TLCD5: variants seen among roughly 807,000 people sequenced by gnomAD.
TLCD5 encodes the protein TLC domain-containing protein 5.
A neutral mutation model predicts 20.5 loss-of-function variants in TLCD5; 15 were observed. The observed-to-expected ratio is 0.73, with a 90% CI of 0.49 to 1.13. TLCD5 has a LOEUF of 1.13. Among genes scored for constraint, TLCD5 ranks in the 50% most tolerant of loss-of-function variants. The pLI, the probability that TLCD5 is intolerant of heterozygous loss-of-function variation, is 0.00. For missense variants in TLCD5, 289 were observed against 305.6 expected (o/e 0.95, Z 0.41); for synonymous variants, 107 against 114.7 (o/e 0.93, Z 0.43).
intron 2 of TLCD5, among the ~76,000 whole-genome samples, chr11:120,328,946 T>TA (rs376616967): frequency 3.3e-5 from 1 of 30,178 alleles, no homozygotes; most frequent in Non-Finnish European, 6.4e-5. Context: ...GTGTGTGTGT[T>TA]TGTGTATGTT....
At chr11:120,329,159 T>C (rs1942093538) in intron 2 of TLCD5, among the ~76,000 whole-genome samples, 1 of 151,230 alleles carries the variant, frequency 6.6e-6, no homozygotes, top group Admixed American at 6.6e-5. Flanking sequence ...AACAGTCATA[T>C]TGGATTACTC....
Position 120,333,013 on chromosome 11 carries a change from C to T in TLCD5, c.*2498C>T, listed in dbSNP as rs977632561. On this transcript the variant is annotated 3_prime_UTR_variant, in exon 3 of 3. Transcript: ENST00000375095. The surrounding 1 kb of genome is among the most constrained non-coding windows in gnomAD (Gnocchi z 4.5). The stretch of plus-strand genomic sequence containing the variant: ...TTTGCTGGGCATTGAGATAATCTGA[C>T]AGCATCTCCACTTCCTGTTTTTTTT... 5 of 152,010 alleles carry T rather than the reference C, an allele frequency of 3.3e-5. No homozygotes were observed. Among genetic ancestry groups the T allele is most frequent in the African/African-American group, 9.7e-5 (4 of 41,388 alleles). 9.4% of individuals were successfully genotyped at this position (152,010 alleles called of 1,614,324 possible). A position where few individuals can be genotyped will look rare whatever the true frequency, so the allele number is the denominator to read the frequency against.
chr11:120,328,713 T>A (rs1481905761), intron 2 of TLCD5, among the ~76,000 whole-genome samples: 8 of 75,574 alleles, frequency 1.1e-4, no homozygotes, highest in African/African-American at 1.9e-4. Context: ...GTGTGTATGT[T>A]TATGTATGCA....
rs992703189 is a variant in TLCD5 at position 120,330,702 on chromosome 11, A to T, written c.*187A>T. On this transcript the variant is annotated 3_prime_UTR_variant, in exon 3 of 3. Coordinates refer to ENST00000375095, the MANE Select transcript of TLCD5 (RefSeq NM_001198671.2). The stretch of plus-strand genomic sequence containing the variant: ...TTAAAACACTAACTTCTACAGTAGC[A>T]CAGTTGTAGAAAGTGAGAATACTCC... 1.6e-6 allele frequency: 1 copy of T among 609,474 alleles called. No individual in the cohort carries two copies. The highest frequency in any genetic ancestry group is 2.8e-6 in the Non-Finnish European group (1 of 362,104). The allele number at this position is 609,474 out of a possible 1,614,324, so 37.8% of individuals were successfully genotyped here. A position where few individuals can be genotyped will look rare whatever the true frequency, so the allele number is the denominator to read the frequency against.
At position 120,330,340 on chromosome 11, in the gene TLCD5, C is replaced by T. The variant is rs190567374; in HGVS notation, c.563C>T (p.Thr188Met). 1.7e-4 allele frequency: 279 copies of T among 1,608,138 alleles called. No individual in the cohort carries two copies. The highest frequency in any genetic ancestry group is 8.6e-5 in the Non-Finnish European group (101 of 1,176,784). ...CLLFCEMVSP[T>M]PKWFVKAGGV... ...CTTTTCTGTGAAATGGTCTCCCCCACGCCTAAGTGGTTTGTGAAGGCTGGG... is the reference window on the plus strand; with the variant it reads ...CTTTTCTGTGAAATGGTCTCCCCCATGCCTAAGTGGTTTGTGAAGGCTGGG... The change falls in exon 3 of 3, where the codon ACG becomes ATG. Residue 188 changes from threonine to methionine, a missense_variant. Transcript: ENST00000375095.
chr11:120,327,333 T>C (rs1391464589), intron 1 of TLCD5, 108 bp from the exon 2 acceptor site: 6 of 1,565,800 alleles, frequency 3.8e-6, no homozygotes, highest in Non-Finnish European at 4.3e-6. Context: ...TAAGGCAATA[T>C]TTTTGAACTA....
In TLCD5 at chr11:120,330,293, G is replaced by T. The variant is rs756130114; in HGVS notation, c.516G>T (p.Arg172Ser). The T allele has an allele frequency of 2.7e-5, 43 of 1,564,994 alleles. No individual in the cohort carries two copies. The highest frequency in any genetic ancestry group is 3.7e-5 in the Non-Finnish European group (43 of 1,154,234). Reference sequence around the variant, plus strand: ...TTGTGGCTCTGTTCACAGGAGTGAGGATTGGTGTGGGAGCTTGCCTCCTTT... The same window carrying T: ...TTGTGGCTCTGTTCACAGGAGTGAGTATTGGTGTGGGAGCTTGCCTCCTTT... ...FLFVALFTGV[R>S]IGVGACLLFC... The change falls in exon 3 of 3, where the codon AGG becomes AGT. Residue 172 changes from arginine to serine, a missense_variant. By Grantham distance (110) the Arg-to-Ser change is moderately radical (BLOSUM62 -1). Coordinates refer to ENST00000375095, the MANE Select transcript of TLCD5 (RefSeq NM_001198671.2).
chr11:120,327,673 A>G, intron 2 of TLCD5, 33 bp downstream of exon 2: 3 of 1,595,462 alleles, frequency 1.9e-6, no homozygotes, highest in Middle Eastern at 1.7e-4. Flanking sequence ...GGGATTTATG[A>G]TTTGGGGGTA....
chr11:120,327,210 C>A, intron 1 of TLCD5: 2 of 689,732 alleles, frequency 2.9e-6, no homozygotes, highest in Non-Finnish European at 4.8e-6. Flanking sequence ...TTCCTGGTTT[C>A]CAGTTTACAA....
In TLCD5 at chr11:120,331,148, C is replaced by A. The variant is rs568221079; in HGVS notation, c.*633C>A. ...AAGACCACTGCCAGGTTCTGTAATT[C>A]TCTGGGAAGACTCAGTGGACTCAGC... On this transcript the variant is annotated 3_prime_UTR_variant, in exon 3 of 3. Coordinates refer to ENST00000375095, the MANE Select transcript of TLCD5 (RefSeq NM_001198671.2). The surrounding 1 kb of genome is among the most constrained non-coding windows in gnomAD (Gnocchi z 4.5). 1 of 152,282 alleles carries A rather than the reference C, an allele frequency of 6.6e-6. No individual in the cohort carries two copies. Among genetic ancestry groups the A allele is most frequent in the South Asian group, 2.1e-4 (1 of 4,822 alleles). The allele number at this position is 152,282 out of a possible 1,614,324, so 9.4% of individuals were successfully genotyped here.
intron 1 of TLCD5, among the ~76,000 whole-genome samples, chr11:120,326,552 A>G (rs902944239): frequency 1.3e-5 from 2 of 152,220 alleles, no homozygotes; most frequent in Non-Finnish European, 2.9e-5. Context: ...TGTACGTTTC[A>G]ATGGAGGAGC....
chr11:120,327,420 G>A (rs779487750), intron 1 of TLCD5, 21 bp from the exon 2 acceptor site: 5 of 1,613,970 alleles, frequency 3.1e-6, no homozygotes, highest in Non-Finnish European at 4.2e-6. Flanking sequence ...TGTTTTTCTG[G>A]TTTTGGTCTT....
rs1440140128 is a variant in TLCD5 at position 120,330,052 on chromosome 11, G to A, written c.275G>A (p.Cys92Tyr). 6.2e-7 allele frequency: 1 copy of A among 1,614,032 alleles called. No homozygotes were observed. The highest frequency in any genetic ancestry group is 8.5e-7 in the Non-Finnish European group (1 of 1,180,044). The change falls in exon 3 of 3, where the codon TGC (cysteine) becomes TAC (tyrosine). Residue 92 changes from cysteine (C) to tyrosine (Y), a missense_variant. Coordinates refer to ENST00000375095, the MANE Select transcript of TLCD5 (RefSeq NM_001198671.2). The part of the protein sequence containing the change: ...LGYFIFDLGW[C>Y]VYFQSEGALM... Reference sequence around the variant, plus strand: ...TACTTCATCTTCGACTTGGGCTGGTGCGTCTACTTTCAGTCTGAGGGTGCC... The same window carrying A: ...TACTTCATCTTCGACTTGGGCTGGTACGTCTACTTTCAGTCTGAGGGTGCC...
chr11:120,329,291 C>G (rs1942096571), intron 2 of TLCD5, among the ~76,000 whole-genome samples: 1 of 152,136 alleles, frequency 6.6e-6, no homozygotes, highest in Admixed American at 6.5e-5. Context: ...CACAATGCAG[C>G]CCTTAACTCC....
In TLCD5 at chr11:120,330,116, T is replaced by C. The variant is rs753201058; in HGVS notation, c.339T>C (p.Ile113=). The C allele has an allele frequency of 3.1e-6, 5 of 1,613,918 alleles. No homozygotes were observed. The African/African-American group carries it at 6.7e-5, about 22-fold the overall frequency. The change falls in exon 3 of 3, where the codon ATT becomes ATC. Residue 113 remains isoleucine (I), a synonymous_variant. Transcript: ENST00000375095. ...LAHHTLSILG[I]IMALVLGESG... ...ATCACACATTGAGTATCTTGGGCAT[T>C]ATCATGGCCCTTGTGCTTGGGGAGT...
rs993450337 is a variant in TLCD5 at position 120,332,203 on chromosome 11, C to G, written c.*1688C>G. ...TTGCCACTTTGGAGAGCTACTCACT[C>G]ACTTTGGATAGGTTACTTGTTTCTT... is the stretch of plus-strand genomic sequence containing the variant. On this transcript the variant is annotated 3_prime_UTR_variant, in exon 3 of 3. Coordinates refer to ENST00000375095, the MANE Select transcript of TLCD5 (RefSeq NM_001198671.2). This position sits in a 1 kb window ranked among gnomAD's most constrained non-coding sequence, Gnocchi z 4.2. 9 of 152,186 alleles carry G rather than the reference C, an allele frequency of 5.9e-5. No homozygotes were observed. The highest frequency in any genetic ancestry group is 8.8e-5 in the Non-Finnish European group (6 of 68,038). The allele number at this position is 152,186 out of a possible 1,614,324, so 9.4% of individuals were successfully genotyped here.
chr11:120,326,056 C>T (rs766068961), intron 1 of TLCD5, among the ~76,000 whole-genome samples: 1 of 152,138 alleles, frequency 6.6e-6, no homozygotes, highest in Non-Finnish European at 1.5e-5. Flanking sequence ...TATTTCTGGC[C>T]CTTACTCTGA....
In TLCD5 at chr11:120,331,755, C is replaced by G. The variant is rs1942158355; in HGVS notation, c.*1240C>G. ...TATGGGTTCTGCCCTACCAGGAAAA[C>G]TATGCCAGTTCTCAGGGCTTTTGTG... On this transcript the variant is annotated 3_prime_UTR_variant, in exon 3 of 3. Coordinates refer to ENST00000375095, the MANE Select transcript of TLCD5 (RefSeq NM_001198671.2). This position sits in a 1 kb window ranked among gnomAD's most constrained non-coding sequence, Gnocchi z 4.5. 1 of 152,220 alleles carries G rather than the reference C, an allele frequency of 6.6e-6. No homozygotes were observed. Among genetic ancestry groups the G allele is most frequent in the Non-Finnish European group, 1.5e-5 (1 of 68,050 alleles). The allele number at this position is 152,220 out of a possible 1,614,324, so 9.4% of individuals were successfully genotyped here.
intron 1 of TLCD5, among the ~76,000 whole-genome samples, chr11:120,325,593 A>G (rs991011366): frequency 5.9e-5 from 9 of 151,722 alleles, no homozygotes; most frequent in Non-Finnish European, 7.4e-5. Context: ...CGAGCGTCGC[A>G]GGCACCGCCG....
Sources: allele counts gnomAD v4.1 joint callset (sites outside exome capture counted in the v4.1 genomes callset), GRCh38; gene constraint gnomAD v4.1.1; non-coding constraint Gnocchi (gnomAD v3.1); transcripts MANE v1.5; gene names NCBI Gene and HGNC (gene_info 2026-07-23, HGNC 2026-07-21).